The following RIMS4 variants were observed in gnomAD, a reference collection of about 807,000 sequenced individuals.
RIMS4 encodes the protein regulating synaptic membrane exocytosis protein 4.
A neutral mutation model predicts 29.0 loss-of-function variants in RIMS4; 9 were observed. That is an observed-to-expected ratio of 0.31 (90% CI 0.19 to 0.54). RIMS4 has a LOEUF of 0.54. RIMS4 is among the 20% of genes least tolerant of loss of function. RIMS4 has a pLI of 0.94. For missense variants in RIMS4, 193 were observed against 365.7 expected (o/e 0.53, Z 3.85); for synonymous variants, 130 against 152.9 (o/e 0.85, Z 1.10).
At chr20:44,765,504 C>A (rs1364987912) in intron 2 of RIMS4, among the ~76,000 whole-genome samples, 1 of 152,150 alleles carries the variant, frequency 6.6e-6, no homozygotes, top group Non-Finnish European at 1.5e-5. Flanking sequence ...AATACTAGTG[C>A]TTATAAAACA....
rs1337570829 is a variant in RIMS4, at chr20:44,752,151, T to G, written c.*3983A>C. ...CCCACCTCACAGGCTCGGCGTCGGG[T>G]GAGCTCGTGGACGCTAATGCTTTCT... On this transcript the variant is annotated 3_prime_UTR_variant, in exon 6 of 6. Coordinates refer to ENST00000372851, the MANE Select transcript of RIMS4 (RefSeq NM_182970.4). 3 of 152,176 alleles carry G rather than the reference T, an allele frequency of 2.0e-5. No individual in the cohort carries two copies. The highest frequency in any genetic ancestry group is 2.9e-5 in the Non-Finnish European group (2 of 68,076). The allele number at this position is 152,176 out of a possible 1,614,324, so 9.4% of individuals were successfully genotyped here.
At chr20:44,768,385 CG>C (rs1347378081) in intron 2 of RIMS4, among the ~76,000 whole-genome samples, 1 of 152,178 alleles carries the variant, frequency 6.6e-6, no homozygotes, top group Non-Finnish European at 1.5e-5. Context: ...TGCAGCCTTG[CG>C]GGGGTGCTCA....
At chr20:44,763,249 C>T (rs2066093949) in intron 2 of RIMS4, among the ~76,000 whole-genome samples, 1 of 152,232 alleles carries the variant, frequency 6.6e-6, no homozygotes, top group South Asian at 2.1e-4. Flanking sequence ...AGTGTCTTAA[C>T]CTCTCTGAGC....
chr20:44,770,673 C>T (rs966054439), intron 2 of RIMS4, among the ~76,000 whole-genome samples: 10 of 152,194 alleles, frequency 6.6e-5, no homozygotes, highest in South Asian at 4.1e-4. Context: ...GATTCTGACG[C>T]GGAGCCCACA....
chr20:44,806,451 G>C (rs1010447727), intron 1 of RIMS4, among the ~76,000 whole-genome samples: 2 of 152,138 alleles, frequency 1.3e-5, no homozygotes, highest in African/African-American at 4.8e-5. Flanking sequence ...ACTGGCAGGC[G>C]AGTCTCCCAA....
intron 1 of RIMS4, among the ~76,000 whole-genome samples, chr20:44,800,670 G>A (rs1055332301): frequency 7.9e-5 from 12 of 152,046 alleles, no homozygotes; most frequent in African/African-American, 1.4e-4. Flanking sequence ...TGGAGGGCCT[G>A]TACAAGTGTC....
chr20:44,762,221 G>A lies in RIMS4; in HGVS notation c.237-4037C>T, dbSNP rs573708036. Reference sequence around the variant, plus strand: ...AGGCAGAGCTCAGGCGGTAACGCTCGCTCGCCCACCGCTCACCTGCTCTGC... The same window carrying A: ...AGGCAGAGCTCAGGCGGTAACGCTCACTCGCCCACCGCTCACCTGCTCTGC... On this transcript the variant is annotated intron_variant, in intron 2 of 5. Coordinates refer to ENST00000372851, the MANE Select transcript of RIMS4 (RefSeq NM_182970.4). Among the ~76,000 whole-genome samples the A allele has an allele frequency of 5.7e-4, 87 of 152,332 alleles. 1 individual carries two copies. The highest frequency in any genetic ancestry group is 6.8e-3 in the Middle Eastern group (2 of 294).
At chr20:44,770,660 C>T (rs952897923) in intron 2 of RIMS4, among the ~76,000 whole-genome samples, 2 of 152,100 alleles carry the variant, frequency 1.3e-5, no homozygotes, top group African/African-American at 4.8e-5. Flanking sequence ...AACGTGTTCC[C>T]GTGATTCTGA....
intron 1 of RIMS4, among the ~76,000 whole-genome samples, chr20:44,799,022 G>A (rs568229979): frequency 6.6e-6 from 1 of 152,370 alleles, no homozygotes; most frequent in Non-Finnish European, 1.5e-5. Flanking sequence ...TCTCCCTTGA[G>A]CCGGGTGTGG....
intron 4 of RIMS4, among the ~76,000 whole-genome samples, chr20:44,757,259 C>G (rs539050220): frequency 1.3e-5 from 2 of 152,144 alleles, no homozygotes; most frequent in Admixed American, 1.3e-4. Flanking sequence ...TCCTCACTGT[C>G]TCCACCCTTC....
intron 1 of RIMS4, among the ~76,000 whole-genome samples, chr20:44,779,057 G>A (rs749317001): frequency 1.3e-5 from 2 of 152,144 alleles, no homozygotes; most frequent in African/African-American, 2.4e-5. Flanking sequence ...AACACACACT[G>A]TCTTTCTGAC....
At chr20:44,782,994 C>T (rs897649758) in intron 1 of RIMS4, among the ~76,000 whole-genome samples, 1 of 152,158 alleles carries the variant, frequency 6.6e-6, no homozygotes, top group African/African-American at 2.4e-5. Flanking sequence ...ATGTGCACAA[C>T]GACTGTCACA....
At chr20:44,810,134 C>T (rs747592330) in intron 1 of RIMS4, 41 bp downstream of exon 1, 7 of 1,280,620 alleles carry the variant, frequency 5.5e-6, no homozygotes, top group South Asian at 1.3e-5. Flanking sequence ...ACCTGGATCC[C>T]GGGACACCCC....
intron 1 of RIMS4, among the ~76,000 whole-genome samples, chr20:44,793,397 C>T (rs1043134675): frequency 4.6e-5 from 7 of 152,188 alleles, no homozygotes; most frequent in African/African-American, 1.2e-4. Flanking sequence ...CAGATGAATG[C>T]GGAGGGGGAG....
At chr20:44,775,835 T>C (rs1369642743) in intron 1 of RIMS4, among the ~76,000 whole-genome samples, 1 of 152,252 alleles carries the variant, frequency 6.6e-6, no homozygotes, top group Non-Finnish European at 1.5e-5. Flanking sequence ...GTTGTACCCA[T>C]TTACACCCAA....
At chr20:44,775,566 G>A (rs935975704) in intron 1 of RIMS4, among the ~76,000 whole-genome samples, 2 of 152,172 alleles carry the variant, frequency 1.3e-5, no homozygotes, top group East Asian at 3.9e-4. Context: ...GAGGCTTCAC[G>A]CAGCCCCCAG....
At chr20:44,779,288 C>A (rs953175984) in intron 1 of RIMS4, among the ~76,000 whole-genome samples, 1 of 152,134 alleles carries the variant, frequency 6.6e-6, no homozygotes, top group Non-Finnish European at 1.5e-5. Flanking sequence ...AATTATATAT[C>A]GCACAGTTGT....
chr20:44,785,755 T>C (rs896199015), intron 1 of RIMS4, among the ~76,000 whole-genome samples: 10 of 151,208 alleles, frequency 6.6e-5, no homozygotes, highest in Admixed American at 1.3e-4. Context: ...GTTTTCTTTT[T>C]TTTTTTTTTT....
rs1429631776 is a variant in RIMS4 at position 44,810,169 on chromosome 20, G to C, written c.97+6C>G. On this transcript the variant is annotated splice_donor_region_variant and intron_variant, in intron 1 of 5. Transcript: ENST00000372851. ...CGGGGGTCTGGGGGGCGGGCCGCGCGCTTACCTGCGTCCTCGTCGTCGAAG... is the reference window on the plus strand; with the variant it reads ...CGGGGGTCTGGGGGGCGGGCCGCGCCCTTACCTGCGTCCTCGTCGTCGAAG... The C allele has an allele frequency of 1.0e-5, 16 of 1,577,022 alleles. No individual in the cohort carries two copies. The highest frequency in any genetic ancestry group is 1.4e-5 in the Non-Finnish European group (16 of 1,157,554).
Sources: allele counts gnomAD v4.1 joint callset (sites outside exome capture counted in the v4.1 genomes callset), GRCh38; gene constraint gnomAD v4.1.1; transcripts MANE v1.5; gene names NCBI Gene and HGNC (gene_info 2026-07-23, HGNC 2026-07-21).